APBA2: variants seen among roughly 807,000 people sequenced by gnomAD.
APBA2 encodes amyloid beta precursor protein binding family A member 2.
In APBA2, 30 loss-of-function variants were observed where a neutral mutation model predicts 75.0. That is an observed-to-expected ratio of 0.40 (90% CI 0.30 to 0.54). The LOEUF is 0.54. APBA2 is among the 20% of genes least tolerant of loss of function. APBA2 has a pLI of 0.49. For missense variants in APBA2, 801 were observed against 1,016.1 expected (o/e 0.79, Z 2.88); for synonymous variants, 444 against 409.6 (o/e 1.08, Z -1.01).
At chr15:28,888,612 A>G (rs1455018579) in intron 1 of APBA2, among the ~76,000 whole-genome samples, 1 of 152,118 alleles carries the variant, frequency 6.6e-6, no homozygotes. Context: ...AGGGGAGGAG[A>G]GGACTGGCGG....
intron 6 of APBA2, among the ~76,000 whole-genome samples, chr15:29,087,634 G>A (rs566809064): frequency 6.6e-6 from 1 of 152,336 alleles, no homozygotes; most frequent in East Asian, 1.9e-4. Context: ...GGCCCTGGCA[G>A]TACTGGAGAG....
At position 28,960,884 on chromosome 15, in the gene APBA2, C is replaced by T. The variant is rs1053113064; in HGVS notation, c.-94-34869C>T. On this transcript the variant is annotated intron_variant, in intron 2 of 14. Transcript: ENST00000683413. ...AAATGATTCTCCTGCCTCAGCCTCC[C>T]GAGTAGCTGGGATTACAGGCGTGCA... 5.9e-5 allele frequency among the ~76,000 whole-genome samples: 9 copies of T among 151,768 alleles called. No individual in the cohort carries two copies. In the South Asian group the frequency reaches 6.3e-4, roughly 11 times the overall value.
intron 3 of APBA2, among the ~76,000 whole-genome samples, chr15:29,011,874 G>A (rs2039420843): frequency 6.6e-6 from 1 of 151,914 alleles, no homozygotes; most frequent in Admixed American, 6.6e-5. Flanking sequence ...ATTCCTAGTA[G>A]GTTGCCCTTT....
chr15:29,048,084 C>T (rs931185657), intron 3 of APBA2, among the ~76,000 whole-genome samples: 9 of 152,168 alleles, frequency 5.9e-5, no homozygotes, highest in Non-Finnish European at 1.2e-4. Flanking sequence ...CACGGTGGCT[C>T]ACTCTTGTAA....
intron 3 of APBA2, among the ~76,000 whole-genome samples, chr15:29,033,652 C>T (rs1016943058): frequency 1.3e-5 from 2 of 152,020 alleles, no homozygotes; most frequent in Non-Finnish European, 2.9e-5. Context: ...ATTTACAACC[C>T]AGAACCAGAC....
chr15:29,114,707 T>G, intron 14 of APBA2, among the ~76,000 whole-genome samples: 1 of 27,314 alleles, frequency 3.7e-5, no homozygotes, highest in East Asian at 7.1e-4. Context: ...AGTGTGTGCG[T>G]GCACGTGGGT....
chr15:29,066,957 A>G (rs115192008), intron 4 of APBA2, among the ~76,000 whole-genome samples: 2,611 of 152,266 alleles, frequency 0.017, 74 homozygotes, highest in African/African-American at 0.061. Context: ...CATAATACTA[A>G]CATCTGCTTC....
chr15:29,078,621 A>C (rs1431672772), intron 6 of APBA2, among the ~76,000 whole-genome samples: 2 of 151,794 alleles, frequency 1.3e-5, no homozygotes, highest in African/African-American at 4.8e-5. Flanking sequence ...AAAAAAAAAA[A>C]AAACAAAACA....
chr15:29,056,115 A>C (rs1299570592), intron 4 of APBA2, among the ~76,000 whole-genome samples: 1 of 152,192 alleles, frequency 6.6e-6, no homozygotes, highest in East Asian at 1.9e-4. Context: ...TATTGTGACA[A>C]ATGGCATCGC....
At chr15:29,000,576 C>A (rs891384338) in intron 3 of APBA2, among the ~76,000 whole-genome samples, 5 of 152,080 alleles carry the variant, frequency 3.3e-5, no homozygotes, top group Non-Finnish European at 5.9e-5. Flanking sequence ...TTTGTCTCTT[C>A]ATTGAAATGG....
intron 2 of APBA2, among the ~76,000 whole-genome samples, chr15:28,971,547 G>A (rs140559658): frequency 1.1e-3 from 172 of 152,324 alleles, no homozygotes; most frequent in African/African-American, 4.0e-3. Context: ...GAGGGTCTTG[G>A]AAAGTGCATG....
intron 2 of APBA2, among the ~76,000 whole-genome samples, chr15:28,989,289 C>G (rs2038091781): frequency 6.6e-6 from 1 of 152,220 alleles, no homozygotes; most frequent in East Asian, 1.9e-4. Context: ...TCAACACTTC[C>G]TGTGTGGCCT....
intron 3 of APBA2, among the ~76,000 whole-genome samples, chr15:29,041,696 G>A (rs549104139): frequency 3.9e-5 from 6 of 152,032 alleles, no homozygotes; most frequent in East Asian, 1.9e-4. Flanking sequence ...TCCCCAAATC[G>A]ACCTATAGAT....
chr15:29,041,012 T>C (rs1325186182), intron 3 of APBA2, among the ~76,000 whole-genome samples: 1 of 150,916 alleles, frequency 6.6e-6, no homozygotes, highest in Non-Finnish European at 1.5e-5. Context: ...ACATAGAAAT[T>C]CGCAGCAGGG....
chr15:28,935,563 A>G (rs1330365984), intron 2 of APBA2, among the ~76,000 whole-genome samples: 3 of 152,190 alleles, frequency 2.0e-5, no homozygotes, highest in Non-Finnish European at 4.4e-5. Flanking sequence ...TCAAGGTTGC[A>G]GCATGAAGTT....
At chr15:28,902,338 A>G (rs912703306) in intron 1 of APBA2, among the ~76,000 whole-genome samples, 2 of 152,128 alleles carry the variant, frequency 1.3e-5, no homozygotes, top group African/African-American at 4.8e-5. Flanking sequence ...CTCCAGACAA[A>G]TTCCAGTTGA....
chr15:29,110,544 C>T (rs1223280883), intron 13 of APBA2, among the ~76,000 whole-genome samples: 2 of 152,206 alleles, frequency 1.3e-5, no homozygotes, highest in Non-Finnish European at 2.9e-5. Context: ...CTCGTAGGGC[C>T]TGTGAATATA....
At position 28,981,843 on chromosome 15, in the gene APBA2, A is replaced by C. The variant is rs2037639782; in HGVS notation, c.-94-13910A>C. Reference sequence around the variant, plus strand: ...TGGAGCCATAAAAAAGAACAAAGTCATGTCCTTTACAGCAACATAGATGCA... The same window carrying C: ...TGGAGCCATAAAAAAGAACAAAGTCCTGTCCTTTACAGCAACATAGATGCA... On this transcript the variant is annotated intron_variant, in intron 2 of 14. Transcript: ENST00000683413. Among the ~76,000 whole-genome samples the C allele has an allele frequency of 5.3e-5, 8 of 152,216 alleles. No individual in the cohort carries two copies. The South Asian group carries it at 1.2e-3, about 24-fold the overall frequency.
At chr15:29,005,686 G>A (rs2039078318) in intron 3 of APBA2, among the ~76,000 whole-genome samples, 1 of 152,080 alleles carries the variant, frequency 6.6e-6, no homozygotes, top group Non-Finnish European at 1.5e-5. Context: ...CCAACATGGT[G>A]CAACCCCATC....
Sources: gnomAD v4.1 joint callset for allele counts (sites outside exome capture counted in the v4.1 genomes callset) on GRCh38, gnomAD v4.1.1 for gene constraint, MANE v1.5 for transcripts, NCBI Gene and HGNC (gene_info 2026-07-23, HGNC 2026-07-21) for gene names.